PCDHA8: variants seen among roughly 807,000 people sequenced by gnomAD.
PCDHA8 encodes protocadherin alpha 8.
In PCDHA8, 53 loss-of-function variants were observed where a neutral mutation model predicts 61.8. The observed-to-expected ratio is 0.86, with a 90% CI of 0.69 to 1.08. The LOEUF is 1.08. Among genes scored for constraint, PCDHA8 ranks in the 50% least tolerant of loss-of-function variants. The pLI is 0.00. For missense variants in PCDHA8, 1,293 were observed against 1,245.0 expected (o/e 1.04, Z -0.58); for synonymous variants, 618 against 556.6 (o/e 1.11, Z -1.55).
rs782065685 is a variant in PCDHA8, at chr5:140,870,421, G to T, written c.2394+26706G>T. 9.3e-6 allele frequency: 15 copies of T among 1,614,096 alleles called. No individual in the cohort carries two copies. The highest frequency in any genetic ancestry group is 1.3e-5 in the Non-Finnish European group (15 of 1,180,046). On this transcript the variant is annotated intron_variant, in intron 1 of 3. Coordinates refer to ENST00000531613, the MANE Select transcript of PCDHA8 (RefSeq NM_018911.3). ...GCCTTCTCTGTGGGCCACGGCCAGG[G>T]TATCCGTGGAGGTGGCCGACGTGAA...
At chr5:140,882,262 G>GTGTA (rs781901698) in intron 1 of PCDHA8, 2 of 1,605,126 alleles carry the variant, frequency 1.2e-6, no homozygotes, top group Non-Finnish European at 1.7e-6. Context: ...GGTTTTTGGA[G>GTGTA]TGTACCATGC....
rs782334415 is a variant in PCDHA8 at position 141,009,744 on chromosome 5, A to T, written c.2660A>T (p.Lys887Ile). 8.1e-6 allele frequency: 13 copies of T among 1,614,028 alleles called. No homozygotes were observed. Among genetic ancestry groups the T allele is most frequent in the Non-Finnish European group, 1.1e-5 (13 of 1,180,034 alleles). The change falls in exon 4 of 4, where the codon AAA becomes ATA. Residue 887 changes from lysine (K) to isoleucine (I), a missense_variant. Transcript: ENST00000531613. Reference protein sequence around the residue: ...KQSGPGELPDKFIIPGSPAII... With the variant: ...KQSGPGELPDIFIIPGSPAII... ...TCCGGTCCCGGTGAGTTGCCCGACA[A>T]ATTCATTATCCCAGGATCTCCTGCA...
intron 1 of PCDHA8, among the ~76,000 whole-genome samples, chr5:140,908,385 G>A (rs1318647483): frequency 6.6e-6 from 1 of 152,222 alleles, no homozygotes. Context: ...GCTCGAGCCC[G>A]ATCACATATA....
chr5:140,950,022 A>G (rs1355491628), intron 1 of PCDHA8, among the ~76,000 whole-genome samples: 1 of 151,918 alleles, frequency 6.6e-6, no homozygotes, highest in Non-Finnish European at 1.5e-5. Flanking sequence ...CCTTCATAAA[A>G]TATAGAAAAG....
chr5:140,935,852 CTT>C (rs1267620281), intron 1 of PCDHA8, among the ~76,000 whole-genome samples: 2 of 149,326 alleles, frequency 1.3e-5, no homozygotes, highest in African/African-American at 4.9e-5. Context: ...TTAATGGTGT[CTT>C]TTGATTAGCA....
At chr5:140,938,469 T>C (rs1172900934) in intron 1 of PCDHA8, among the ~76,000 whole-genome samples, 1 of 152,218 alleles carries the variant, frequency 6.6e-6, no homozygotes, top group South Asian at 2.1e-4. Flanking sequence ...TAATTTATTA[T>C]GTTTTTTAAA....
chr5:140,879,366 C>A (rs1363345702), intron 1 of PCDHA8, among the ~76,000 whole-genome samples: 1 of 152,156 alleles, frequency 6.6e-6, no homozygotes, highest in East Asian at 1.9e-4. Flanking sequence ...CATTAACCAA[C>A]CTGCAGAACA....
At chr5:140,984,784 A>G (rs1022121650) in intron 3 of PCDHA8, among the ~76,000 whole-genome samples, 4 of 152,168 alleles carry the variant, frequency 2.6e-5, no homozygotes, top group Non-Finnish European at 4.4e-5. Context: ...TTGCTGGGTG[A>G]GCATAGACAA....
intron 1 of PCDHA8, chr5:140,966,848 C>T (rs573027963): frequency 1.3e-6 from 2 of 1,571,846 alleles, no homozygotes; most frequent in East Asian, 2.3e-5. Flanking sequence ...GCTACTGCCT[C>T]TCCTGCTGCT....
chr5:140,995,954 A>G (rs2097705768), intron 3 of PCDHA8, among the ~76,000 whole-genome samples: 1 of 152,226 alleles, frequency 6.6e-6, no homozygotes, highest in South Asian at 2.1e-4. Context: ...TGCACGCAAA[A>G]TGCTTAGAAC....
intron 1 of PCDHA8, among the ~76,000 whole-genome samples, chr5:140,897,369 T>C (rs183566624): frequency 0.013 from 1,702 of 128,706 alleles, 36 homozygotes; most frequent in African/African-American, 0.049. Flanking sequence ...GAGTGTGATG[T>C]TCCCTTCCCC....
chr5:140,968,567 G>A (rs1586307422), intron 1 of PCDHA8: 1 of 1,614,156 alleles, frequency 6.2e-7, no homozygotes, highest in East Asian at 2.2e-5. Flanking sequence ...TGCCCCTGCT[G>A]GCTACCTGGT....
At chr5:140,882,482 G>C (rs200256955) in intron 1 of PCDHA8, 38 of 1,613,930 alleles carry the variant, frequency 2.4e-5, no homozygotes, top group Admixed American at 8.3e-5. Flanking sequence ...CAAAAGACAC[G>C]GGGACCTTCT....
chr5:140,900,799 G>T (rs797036955), intron 1 of PCDHA8, among the ~76,000 whole-genome samples: 1 of 152,138 alleles, frequency 6.6e-6, no homozygotes, highest in East Asian at 1.9e-4. Context: ...GTTCTCCATA[G>T]TGCTTGTACT....
chr5:140,859,790 A>C (rs1023981970), intron 1 of PCDHA8: 1 of 152,502 alleles, frequency 6.6e-6, no homozygotes, highest in Non-Finnish European at 1.5e-5. Context: ...AGCTCTTAGA[A>C]ATTATAGATG....
intron 1 of PCDHA8, chr5:140,869,664 G>T: frequency 6.2e-7 from 1 of 1,613,474 alleles, no homozygotes; most frequent in Non-Finnish European, 8.5e-7. Flanking sequence ...CAAATGGTAA[G>T]CAGATTAAAA....
intron 1 of PCDHA8, among the ~76,000 whole-genome samples, chr5:140,903,758 T>TCCACCAAAGCCCAGTAATAGGCCAAGA (rs2070567163): frequency 6.6e-6 from 1 of 152,218 alleles, no homozygotes; most frequent in Non-Finnish European, 1.5e-5. Flanking sequence ...CCTTGATTTT[T>TCCACCAAAGCCCAGTAATAGGCCAAGA]GCTGAACTTT....
At chr5:140,879,676 C>G (rs539657930) in intron 1 of PCDHA8, among the ~76,000 whole-genome samples, 1 of 152,308 alleles carries the variant, frequency 6.6e-6, no homozygotes, top group South Asian at 2.1e-4. Flanking sequence ...AAACTGGGTG[C>G]TGTAAAACAG....
At chr5:140,999,806 A>G (rs1230100139) in intron 3 of PCDHA8, among the ~76,000 whole-genome samples, 1 of 152,152 alleles carries the variant, frequency 6.6e-6, no homozygotes, top group African/African-American at 2.4e-5. Context: ...TTTGGGCACA[A>G]AGCAAGAGCT....
Sources: gnomAD v4.1 joint callset for allele counts (sites outside exome capture counted in the v4.1 genomes callset) on GRCh38, gnomAD v4.1.1 for gene constraint, MANE v1.5 for transcripts, NCBI Gene and HGNC (gene_info 2026-07-23, HGNC 2026-07-21) for gene names.